AKAP13: variants seen among roughly 807,000 people sequenced by gnomAD.
AKAP13 encodes A-kinase anchor protein 13.
AKAP13 carries 80 observed loss-of-function variants against 264.5 expected under a neutral mutation model. The ratio of observed to expected loss-of-function variants is 0.30; its 90% CI spans 0.25 to 0.36. AKAP13 has a LOEUF of 0.36. Ranked by LOEUF, AKAP13 falls within the 10% of genes least tolerant of loss-of-function variation. The pLI is 1.00. For missense variants in AKAP13, 3,712 were observed against 3,435.2 expected (o/e 1.08, Z -2.01); for synonymous variants, 1,380 against 1,250.2 (o/e 1.10, Z -2.19).
intron 1 of AKAP13, among the ~76,000 whole-genome samples, chr15:85,468,883 C>T (rs1172781141): frequency 6.6e-6 from 1 of 151,150 alleles, no homozygotes; most frequent in East Asian, 1.9e-4. Context: ...AGGGCTGTGA[C>T]TACCAGTTGA....
chr15:85,691,926 C>T (rs2085307750), intron 16 of AKAP13: 1 of 466,124 alleles, frequency 2.1e-6, no homozygotes, highest in Admixed American at 2.3e-5. Context: ...GCTTTTCCTG[C>T]CTTCCTGCAC....
At chr15:85,442,296 G>A (rs1470351282) in intron 1 of AKAP13, among the ~76,000 whole-genome samples, 1 of 149,278 alleles carries the variant, frequency 6.7e-6, no homozygotes, top group Non-Finnish European at 1.5e-5. Flanking sequence ...TGTAATCCCA[G>A]CTACTCAGGA....
At chr15:85,633,297 T>C (rs1206781426) in intron 8 of AKAP13, among the ~76,000 whole-genome samples, 1 of 151,898 alleles carries the variant, frequency 6.6e-6, no homozygotes, top group African/African-American at 2.4e-5. Context: ...TCATCTGAGC[T>C]CTTTTATTTC....
chr15:85,622,356 C>G (rs1007350908), intron 8 of AKAP13, among the ~76,000 whole-genome samples: 1 of 152,058 alleles, frequency 6.6e-6, no homozygotes. Flanking sequence ...AGGAAGAGCT[C>G]TCTAGAAAGA....
At chr15:85,517,766 G>A (rs1471574656) in intron 2 of AKAP13, among the ~76,000 whole-genome samples, 1 of 152,120 alleles carries the variant, frequency 6.6e-6, no homozygotes, top group Non-Finnish European at 1.5e-5. Flanking sequence ...TATATTTACA[G>A]AATAAGGCCT....
At chr15:85,620,133 C>A in intron 8 of AKAP13, 1 of 1,536,112 alleles carries the variant, frequency 6.5e-7, no homozygotes, top group South Asian at 1.2e-5. Context: ...TCTGTGACAT[C>A]TCCAAGGTGG....
rs143715858 is a variant in AKAP13, at chr15:85,662,462, T to C, written c.4800-2101T>C. 132 of 1,614,038 alleles carry C rather than the reference T, an allele frequency of 8.2e-5. 1 individual carries two copies. The highest frequency in any genetic ancestry group is 4.3e-4 in the South Asian group (39 of 91,092). ...GACTTTAATTACAGAAGGTATGATA[T>C]TGTTATGTGTCCCGCCACCAAATGG... is the stretch of plus-strand genomic sequence containing the variant. On this transcript the variant is annotated intron_variant, in intron 12 of 36. Coordinates refer to ENST00000394518, the MANE Select transcript of AKAP13 (RefSeq NM_007200.5).
At chr15:85,480,070 T>G (rs1461869525) in intron 1 of AKAP13, among the ~76,000 whole-genome samples, 3 of 152,180 alleles carry the variant, frequency 2.0e-5, no homozygotes, top group African/African-American at 7.2e-5. Context: ...AAAAGTAATA[T>G]CTGTTCATTA....
intron 1 of AKAP13, chr15:85,415,079 T>C (rs2072175067): frequency 3.3e-6 from 2 of 600,790 alleles, no homozygotes; most frequent in Admixed American, 2.9e-5. Flanking sequence ...GTAGTGAAGT[T>C]ACTCTGAAAA....
chr15:85,584,676 A>G (rs1182729845), intron 7 of AKAP13, among the ~76,000 whole-genome samples: 1 of 152,184 alleles, frequency 6.6e-6, no homozygotes, highest in Non-Finnish European at 1.5e-5. Flanking sequence ...TAGAAATGTA[A>G]CTCTTACAAA....
At chr15:85,387,401 A>G (rs1388245095) in intron 1 of AKAP13, among the ~76,000 whole-genome samples, 1 of 151,986 alleles carries the variant, frequency 6.6e-6, no homozygotes, top group Non-Finnish European at 1.5e-5. Flanking sequence ...TAGGATAACC[A>G]CTCACTGCAG....
chr15:85,570,758 T>A (rs1332327072), intron 5 of AKAP13, among the ~76,000 whole-genome samples: 3 of 152,104 alleles, frequency 2.0e-5, no homozygotes, highest in Non-Finnish European at 4.4e-5. Context: ...GGGTGAGAAC[T>A]GATCGACAGG....
At chr15:85,625,976 A>G (rs1449643583) in intron 8 of AKAP13, among the ~76,000 whole-genome samples, 2 of 152,260 alleles carry the variant, frequency 1.3e-5, no homozygotes, top group Non-Finnish European at 2.9e-5. Context: ...AGCTTACTTT[A>G]TAGTAAGCAC....
intron 1 of AKAP13, among the ~76,000 whole-genome samples, chr15:85,403,292 T>C (rs2071510327): frequency 6.6e-6 from 1 of 152,234 alleles, no homozygotes; most frequent in Non-Finnish European, 1.5e-5. Flanking sequence ...GTGCTAACTT[T>C]GATGCCCTAA....
intron 15 of AKAP13, 103 bp downstream of exon 15, chr15:85,682,315 GTTC>G (rs1460145532): frequency 1.7e-6 from 2 of 1,182,514 alleles, no homozygotes; most frequent in South Asian, 1.4e-5. Context: ...AGCTTATTGG[GTTC>G]TTCTTTGAGT....
At chr15:85,735,663 T>C (rs2088414120) in intron 32 of AKAP13, 33 bp downstream of exon 32, 2 of 1,581,762 alleles carry the variant, frequency 1.3e-6, no homozygotes, top group Non-Finnish European at 1.7e-6. Flanking sequence ...ATGAACCTCC[T>C]TGGCACTTTC....
chr15:85,392,281 G>A (rs1447296430), intron 1 of AKAP13, among the ~76,000 whole-genome samples: 2 of 129,338 alleles, frequency 1.5e-5, no homozygotes, highest in Admixed American at 8.1e-5. Context: ...TTGAGATGGA[G>A]TCTCGCTCTG....
At chr15:85,690,912 G>C (rs1004473456) in intron 16 of AKAP13, among the ~76,000 whole-genome samples, 1 of 152,196 alleles carries the variant, frequency 6.6e-6, no homozygotes, top group Non-Finnish European at 1.5e-5. Flanking sequence ...GTAAAATGGA[G>C]ATAATACCTA....
rs2141810873 is a variant in AKAP13 at position 85,380,643 on chromosome 15, G to T, written c.-167G>T. 6.6e-6 allele frequency: 1 copy of T among 151,510 alleles called. No homozygotes were observed. The highest frequency in any genetic ancestry group is 2.1e-4 in the South Asian group (1 of 4,770). The allele number at this position is 151,510 out of a possible 1,614,324, so 9.4% of individuals were successfully genotyped here. On this transcript the variant is annotated 5_prime_UTR_variant, in exon 1 of 37. Transcript: ENST00000394518. Reference sequence around the variant, plus strand: ...GCGGAGCCCGAGCAGCCGCGGTGAAGCGCCTGTGCTCTGCCGAGACTGCCG... The same window carrying T: ...GCGGAGCCCGAGCAGCCGCGGTGAATCGCCTGTGCTCTGCCGAGACTGCCG...
Sources: allele counts gnomAD v4.1 joint callset (sites outside exome capture counted in the v4.1 genomes callset), GRCh38; gene constraint gnomAD v4.1.1; transcripts MANE v1.5; gene names NCBI Gene and HGNC (gene_info 2026-07-23, HGNC 2026-07-21).